Variants in ESRRG observed in about 807,000 individuals in gnomAD.
ESRRG encodes estrogen-related receptor gamma.
In ESRRG, 13 loss-of-function variants were observed where a neutral mutation model predicts 44.0. That is an observed-to-expected ratio of 0.30 (90% CI 0.19 to 0.47). ESRRG has a LOEUF of 0.47. Among genes scored for constraint, ESRRG ranks in the 20% least tolerant of loss-of-function variants. The probability of loss-of-function intolerance (pLI) is 1.00; values close to 1 mark genes in which losing one functional copy is unlikely to be tolerated. For synonymous variants in ESRRG, 215 were observed against 214.6 expected (o/e 1.00, Z -0.02); for missense variants, 395 against 580.6 (o/e 0.68, Z 3.29).
intron 3 of ESRRG, among the ~76,000 whole-genome samples, chr1:216,615,461 T>G (rs1261923917): frequency 2.6e-5 from 4 of 152,180 alleles, no homozygotes; most frequent in African/African-American, 9.7e-5. Flanking sequence ...GTAGCTTTCC[T>G]GCATGACGTA....
chr1:216,724,605 G>C (rs1037163438), upstream of ESRRG, among the ~76,000 whole-genome samples: 2 of 151,826 alleles, frequency 1.3e-5, no homozygotes, highest in African/African-American at 4.8e-5. Flanking sequence ...ACACAGTCTG[G>C]TCACTATAAG....
At chr1:216,560,800 A>G (rs1048943052) in intron 5 of ESRRG, among the ~76,000 whole-genome samples, 2 of 152,230 alleles carry the variant, frequency 1.3e-5, no homozygotes, top group Non-Finnish European at 2.9e-5. Context: ...TTTACAGCTC[A>G]ATCATATTGT....
chr1:216,821,938 G>A (rs2148626654), intron 2 of ESRRG, among the ~76,000 whole-genome samples: 1 of 151,838 alleles, frequency 6.6e-6, no homozygotes, highest in Non-Finnish European at 1.5e-5. Flanking sequence ...TTCAAAGCTT[G>A]GGATGCTGAC....
chr1:216,732,639 A>G (rs556632655), intron 2 of ESRRG, among the ~76,000 whole-genome samples: 1 of 152,038 alleles, frequency 6.6e-6, no homozygotes, highest in South Asian at 2.1e-4. Context: ...GTGAAAATGT[A>G]CAATACGAAA....
At chr1:216,524,908 C>A (rs1473132744) in intron 5 of ESRRG, among the ~76,000 whole-genome samples, 3 of 152,122 alleles carry the variant, frequency 2.0e-5, no homozygotes, top group African/African-American at 7.2e-5. Flanking sequence ...GTAATATCTA[C>A]CAGTCCAAAA....
chr1:216,569,092 G>GGAAGGAAGGAAGGAAGGAA (rs1441158477), intron 3 of ESRRG, among the ~76,000 whole-genome samples: 3 of 78,956 alleles, frequency 3.8e-5, no homozygotes, highest in Non-Finnish European at 6.7e-5. Flanking sequence ...AAGGAAGGAA[G>GGAAGGAAGGAAGGAAGGAA]GAAGGAAGGA....
At chr1:216,599,634 C>T (rs1373272859) in intron 3 of ESRRG, among the ~76,000 whole-genome samples, 3 of 151,888 alleles carry the variant, frequency 2.0e-5, no homozygotes, top group African/African-American at 7.3e-5. Flanking sequence ...TTAATGATTT[C>T]ATCTAAATGA....
intron 1 of ESRRG, among the ~76,000 whole-genome samples, chr1:216,944,182 C>A (rs912001994): frequency 6.6e-6 from 1 of 152,140 alleles, no homozygotes; most frequent in Admixed American, 6.6e-5. Context: ...ATTTGCCACT[C>A]TATATTTAGT....
chr1:216,984,060 T>C (rs532929922), intron 1 of ESRRG, among the ~76,000 whole-genome samples: 1 of 150,256 alleles, frequency 6.7e-6, no homozygotes, highest in South Asian at 2.2e-4. Flanking sequence ...GGGGGGGGTA[T>C]GTGGAGGCTC....
At chr1:216,745,472 T>C (rs907960096) in intron 2 of ESRRG, among the ~76,000 whole-genome samples, 12 of 152,230 alleles carry the variant, frequency 7.9e-5, no homozygotes, top group Non-Finnish European at 1.2e-4. Context: ...ATTACAGGCA[T>C]GAGCCACCAT....
chr1:216,775,616 C>G lies in ESRRG; in HGVS notation c.-13-98125G>C, dbSNP rs138172297. ...TTAGACAGCGTCTCACGCTGTCGCA[C>G]AGGCTGGTCATCGCAGCCTTGACTT... On this transcript the variant is annotated intron_variant, in intron 2 of 7. Transcript: ENST00000359162. Among the ~76,000 whole-genome samples, 1,122 of 127,582 alleles carry G rather than the reference C, an allele frequency of 8.8e-3. 10 individuals are homozygous for G. The highest frequency in any genetic ancestry group is 0.016 in the Admixed American group (178 of 10,788). The allele number at this position is 127,582 out of a possible 152,430, so 83.7% of individuals were successfully genotyped here.
chr1:217,133,684 T>TTTCTTTCTTTCTTTCTTTC (rs1558298569), intron 1 of ESRRG, among the ~76,000 whole-genome samples: 1 of 149,642 alleles, frequency 6.7e-6, no homozygotes, highest in East Asian at 2.0e-4. Context: ...TCTTTCTTTC[T>TTTCTTTCTTTCTTTCTTTC]AACTGTGCTT....
chr1:216,916,883 T>C (rs979911405), intron 2 of ESRRG, among the ~76,000 whole-genome samples: 1 of 93,676 alleles, frequency 1.1e-5, no homozygotes, highest in South Asian at 3.7e-4. Context: ...TTTTTTTTTT[T>C]TGCTATGTAA....
chr1:216,511,577 A>ACACACACACACACACACAC (rs1553275806), intron 6 of ESRRG, among the ~76,000 whole-genome samples: 1 of 151,980 alleles, frequency 6.6e-6, no homozygotes, highest in Admixed American at 6.6e-5. Flanking sequence ...ACAAATACAC[A>ACACACACACACACACACAC]ATGAGGTCTA....
intron 2 of ESRRG, among the ~76,000 whole-genome samples, chr1:216,929,029 T>C (rs1343957139): frequency 6.6e-6 from 1 of 152,106 alleles, no homozygotes; most frequent in Non-Finnish European, 1.5e-5. Context: ...AGATGGATGA[T>C]GAACAAGAAT....
intron 1 of ESRRG, among the ~76,000 whole-genome samples, chr1:217,035,744 CAG>C (rs1358289451): frequency 6.6e-6 from 1 of 151,520 alleles, no homozygotes; most frequent in Non-Finnish European, 1.5e-5. Context: ...AATAACTTGT[CAG>C]AGTTTTAAGG....
intron 1 of ESRRG, among the ~76,000 whole-genome samples, chr1:216,976,991 T>C (rs1180397689): frequency 6.6e-6 from 1 of 152,142 alleles, no homozygotes; most frequent in Non-Finnish European, 1.5e-5. Flanking sequence ...AGTCATTTCC[T>C]TTCTTATGTA....
At chr1:216,993,058 C>CA (rs1363609571) in intron 1 of ESRRG, among the ~76,000 whole-genome samples, 1 of 152,030 alleles carries the variant, frequency 6.6e-6, no homozygotes, top group East Asian at 1.9e-4. Context: ...ATGTAAGTTT[C>CA]AAAAAAGTAG....
At chr1:216,731,778 C>A (rs1354809205) in intron 2 of ESRRG, among the ~76,000 whole-genome samples, 1 of 152,192 alleles carries the variant, frequency 6.6e-6, no homozygotes, top group Non-Finnish European at 1.5e-5. Flanking sequence ...ACATTGAAAT[C>A]CTGGGGCTGT....
Sources: allele counts gnomAD v4.1 joint callset (sites outside exome capture counted in the v4.1 genomes callset), GRCh38; gene constraint gnomAD v4.1.1; transcripts MANE v1.5; gene names NCBI Gene and HGNC (gene_info 2026-07-23, HGNC 2026-07-21).